GPC6: variants seen among roughly 807,000 people sequenced by gnomAD.
GPC6 encodes glypican 6, also known as glypican-6.
Under a neutral mutation model 55.2 loss-of-function variants are expected in GPC6, and 14 were observed. The ratio of observed to expected loss-of-function variants is 0.25; its 90% CI spans 0.17 to 0.40. GPC6 has a LOEUF of 0.40. Among genes scored for constraint, GPC6 ranks in the 10% least tolerant of loss-of-function variants. The pLI is 1.00. For synonymous variants in GPC6, 278 were observed against 259.6 expected, an observed-to-expected ratio of 1.07 and a Z score of -0.68; for missense variants, 641 against 708.5, an observed-to-expected ratio of 0.90 and a Z score of 1.08.
intron 2 of GPC6, among the ~76,000 whole-genome samples, chr13:93,798,419 T>C (rs893683483): frequency 1.3e-5 from 2 of 152,128 alleles, no homozygotes; most frequent in African/African-American, 2.4e-5. Context: ...GTCTACCATA[T>C]AAAAACAAGA....
At chr13:93,616,893 G>A (rs1324731895) in intron 2 of GPC6, among the ~76,000 whole-genome samples, 2 of 152,016 alleles carry the variant, frequency 1.3e-5, no homozygotes, top group African/African-American at 4.8e-5. Context: ...CCTCTAGTGT[G>A]TGATCACTTA....
chr13:93,356,407 A>G (rs1160956145), intron 1 of GPC6, among the ~76,000 whole-genome samples: 1 of 152,202 alleles, frequency 6.6e-6, no homozygotes, highest in African/African-American at 2.4e-5. Flanking sequence ...AAATTATTCC[A>G]TAAATGGGAG....
chr13:93,868,658 GTAC>G (rs1459924839), intron 3 of GPC6, among the ~76,000 whole-genome samples: 1 of 151,726 alleles, frequency 6.6e-6, no homozygotes, highest in Non-Finnish European at 1.5e-5. Context: ...CAAATATCTG[GTAC>G]TACATAGAAG....
intron 2 of GPC6, among the ~76,000 whole-genome samples, chr13:93,573,532 G>T (rs991182283): frequency 6.6e-6 from 1 of 151,958 alleles, no homozygotes; most frequent in South Asian, 2.1e-4. Context: ...ATATAGAAGA[G>T]ATTTTCAAAA....
intron 1 of GPC6, among the ~76,000 whole-genome samples, chr13:93,346,987 A>ATTT: frequency 6.6e-6 from 1 of 152,202 alleles, no homozygotes; most frequent in Non-Finnish European, 1.5e-5. Context: ...ATGATAAATC[A>ATTT]AAACTAATTT....
chr13:93,341,550 A>G (rs1269964738), intron 1 of GPC6, among the ~76,000 whole-genome samples: 2 of 152,108 alleles, frequency 1.3e-5, no homozygotes, highest in African/African-American at 2.4e-5. Flanking sequence ...TCCTCTTTTG[A>G]GAAATATCTA....
chr13:93,631,273 C>T (rs538110598), intron 2 of GPC6, among the ~76,000 whole-genome samples: 23 of 152,240 alleles, frequency 1.5e-4, no homozygotes, highest in Non-Finnish European at 2.9e-4. Flanking sequence ...CCAGGCTCCT[C>T]CCTGCTGCAA....
At chr13:93,935,796 C>T (rs1325792649) in intron 3 of GPC6, among the ~76,000 whole-genome samples, 1 of 152,092 alleles carries the variant, frequency 6.6e-6, no homozygotes, top group African/African-American at 2.4e-5. Context: ...TTTCATACCC[C>T]TCAGGCAGTG....
At chr13:93,377,759 T>A (rs566886702) in intron 1 of GPC6, among the ~76,000 whole-genome samples, 1 of 152,302 alleles carries the variant, frequency 6.6e-6, no homozygotes, top group Admixed American at 6.5e-5. Flanking sequence ...CTATTTAAAA[T>A]AGGAGATAAA....
At chr13:93,648,510 T>G (rs573681118) in intron 2 of GPC6, among the ~76,000 whole-genome samples, 1 of 152,206 alleles carries the variant, frequency 6.6e-6, no homozygotes, top group African/African-American at 2.4e-5. Flanking sequence ...TAACATCTTA[T>G]TATCTTTATC....
chr13:94,155,915 TACTG>T (rs1206859034), intron 4 of GPC6, among the ~76,000 whole-genome samples: 1 of 152,108 alleles, frequency 6.6e-6, no homozygotes, highest in Non-Finnish European at 1.5e-5. Flanking sequence ...AGGGATCCAG[TACTG>T]ACTAAGAACA....
chr13:94,305,226 G>A (rs1034747589), intron 5 of GPC6, among the ~76,000 whole-genome samples: 4 of 152,204 alleles, frequency 2.6e-5, no homozygotes, highest in Non-Finnish European at 5.9e-5. Context: ...GCAGCAATGA[G>A]AAATACAAGG....
intron 4 of GPC6, among the ~76,000 whole-genome samples, chr13:94,155,497 C>T (rs1043690250): frequency 2.0e-5 from 3 of 152,032 alleles, no homozygotes; most frequent in Non-Finnish European, 4.4e-5. Flanking sequence ...CTCCTAAAAT[C>T]GAAAAAAGCC....
chr13:93,504,951 G>C (rs1880654546), intron 1 of GPC6, among the ~76,000 whole-genome samples: 1 of 152,124 alleles, frequency 6.6e-6, no homozygotes, highest in Admixed American at 6.6e-5. Context: ...CTCTTACACA[G>C]TACAAATCTG....
intron 4 of GPC6, among the ~76,000 whole-genome samples, chr13:94,128,322 T>C (rs1335242591): frequency 6.6e-6 from 1 of 152,128 alleles, no homozygotes; most frequent in Non-Finnish European, 1.5e-5. Context: ...GCAAGCTGAT[T>C]TGGTTGTAGT....
chr13:93,724,006 T>C (rs890870701), intron 2 of GPC6, among the ~76,000 whole-genome samples: 2 of 151,984 alleles, frequency 1.3e-5, no homozygotes, highest in Admixed American at 6.6e-5. Flanking sequence ...CACCTGTAAT[T>C]TTTAGGGCTT....
At chr13:94,049,501 G>A (rs1246702985) in intron 4 of GPC6, among the ~76,000 whole-genome samples, 1 of 152,100 alleles carries the variant, frequency 6.6e-6, no homozygotes, top group Non-Finnish European at 1.5e-5. Context: ...GAAGACATGA[G>A]ATCTGCTTTC....
intron 1 of GPC6, among the ~76,000 whole-genome samples, chr13:93,441,145 C>T (rs1877782509): frequency 6.6e-6 from 1 of 152,176 alleles, no homozygotes; most frequent in South Asian, 2.1e-4. Flanking sequence ...AATAGTGCCA[C>T]AACAAACATA....
chr13:93,386,917 G>A (rs535467512), intron 1 of GPC6, among the ~76,000 whole-genome samples: 61 of 152,154 alleles, frequency 4.0e-4, no homozygotes, highest in Admixed American at 1.8e-3. Context: ...ACCTCCTTCC[G>A]TGTGTCTTCT....
Sources: allele counts gnomAD v4.1 joint callset (sites outside exome capture counted in the v4.1 genomes callset), GRCh38; gene constraint gnomAD v4.1.1; transcripts MANE v1.5; gene names NCBI Gene and HGNC (gene_info 2026-07-23, HGNC 2026-07-21).